MGAM2: variants seen among roughly 807,000 people sequenced by gnomAD.
The protein encoded by MGAM2 is maltase-glucoamylase 2 (putative), also known as probable maltase-glucoamylase 2.
Under a neutral mutation model 96.1 loss-of-function variants are expected in MGAM2, and 98 were observed. That is an observed-to-expected ratio of 1.02 (90% CI 0.87 to 1.21). The LOEUF (loss-of-function observed/expected upper bound fraction) is 1.21. Among genes scored for constraint, MGAM2 ranks in the 50% most tolerant of loss-of-function variants. The pLI, the probability that MGAM2 is intolerant of heterozygous loss-of-function variation, is 0.00. For missense variants in MGAM2, 2,055 were observed against 1,182.4 expected (o/e 1.74, Z -10.82); for synonymous variants, 749 against 414.8 (o/e 1.81, Z -9.79).
At chr7:142,127,784 C>A (rs1019577348) in intron 3 of MGAM2, among the ~76,000 whole-genome samples, 3 of 152,194 alleles carry the variant, frequency 2.0e-5, no homozygotes, top group African/African-American at 7.2e-5. Flanking sequence ...GCCTCCCCAG[C>A]CATGTGGAAC....
At position 142,214,042 on chromosome 7, in the gene MGAM2, A is replaced by G. The variant is rs1203949546; in HGVS notation, c.5188-4319A>G. On this transcript the variant is annotated intron_variant, in intron 46 of 47. Transcript: ENST00000477922. ...AATTGCAATCCATCACATAAACAGA[A>G]CCAATGACAAAAACCACATGATTAT... Among the ~76,000 whole-genome samples, 4 of 152,290 alleles carry G rather than the reference A, an allele frequency of 2.6e-5. No homozygotes were observed. In the South Asian group the frequency reaches 8.3e-4, roughly 32 times the overall value.
chr7:142,123,993 G>A (rs796548132), intron 3 of MGAM2, among the ~76,000 whole-genome samples: 116 of 84,782 alleles, frequency 1.4e-3, no homozygotes, highest in African/African-American at 8.0e-3. Flanking sequence ...TTTTTTTTGA[G>A]ACGGAGTCTT....
chr7:142,198,864 G>A, intron 44 of MGAM2, 125 bp downstream of exon 44: 3 of 586,926 alleles, frequency 5.1e-6, no homozygotes, highest in Non-Finnish European at 9.1e-6. Flanking sequence ...CAGCTTTACT[G>A]GTCAGATCCT....
intron 37 of MGAM2, among the ~76,000 whole-genome samples, chr7:142,194,189 T>C (rs1327167130): frequency 6.6e-6 from 1 of 152,134 alleles, no homozygotes; most frequent in Non-Finnish European, 1.5e-5. Flanking sequence ...CATGCCACCA[T>C]GCCCAGCTAA....
chr7:142,148,308 G>C lies in MGAM2; in HGVS notation c.1634+735G>C, dbSNP rs1478904744. On this transcript the variant is annotated intron_variant, in intron 15 of 47. Transcript: ENST00000477922. The surrounding 1 kb of genome is among the most constrained non-coding windows in gnomAD (Gnocchi z 4.2). ...TATCACCATCACCACCACCCACCAT[G>C]ACCACCATTCACCATCACCATCATA... Among the ~76,000 whole-genome samples the C allele has an allele frequency of 7.0e-6, 1 of 142,844 alleles. No individual in the cohort carries two copies. The highest frequency in any genetic ancestry group is 1.5e-5 in the Non-Finnish European group (1 of 65,738). 93.7% of individuals were successfully genotyped at this position (142,844 alleles called of 152,430 possible).
chr7:142,122,176 G>A (rs180759832), intron 3 of MGAM2, among the ~76,000 whole-genome samples: 32 of 151,928 alleles, frequency 2.1e-4, no homozygotes, highest in Admixed American at 1.2e-3. Flanking sequence ...TTGCCTTCTC[G>A]TATTTATCAC....
chr7:142,160,990 T>C lies in MGAM2; in HGVS notation c.2346-135T>C, dbSNP rs75727616. 4.4e-3 allele frequency: 2,424 copies of C among 550,230 alleles called. 47 individuals are homozygous for C. Among genetic ancestry groups the C allele is most frequent in the African/African-American group, 0.04 (2,123 of 53,264 alleles). 34.1% of individuals were successfully genotyped at this position (550,230 alleles called of 1,614,324 possible). A position where few individuals can be genotyped will look rare whatever the true frequency, so the allele number is the denominator to read the frequency against. ...CCTGCCCACACCCAGCTCCCATGTG[T>C]CCACCCAATATCAACATCTACTCAG... On this transcript the variant is annotated intron_variant, in intron 21 of 47. Coordinates refer to ENST00000477922, the MANE Select transcript of MGAM2 (RefSeq NM_001293626.2).
chr7:142,180,592 A>G (rs55930545), intron 32 of MGAM2, among the ~76,000 whole-genome samples: 1 of 152,038 alleles, frequency 6.6e-6, no homozygotes, highest in Non-Finnish European at 1.5e-5. Flanking sequence ...TCTAGCAAGA[A>G]TGGGGAAATT....
intron 3 of MGAM2, among the ~76,000 whole-genome samples, chr7:142,129,448 G>A (rs568457986): frequency 6.6e-6 from 1 of 152,146 alleles, no homozygotes; most frequent in Admixed American, 6.5e-5. Flanking sequence ...GGTGCAGAAT[G>A]ACATGGTTTG....
intron 46 of MGAM2, among the ~76,000 whole-genome samples, chr7:142,215,588 C>T (rs972809108): frequency 6.6e-6 from 1 of 151,338 alleles, no homozygotes; most frequent in Non-Finnish European, 1.5e-5. Flanking sequence ...TGGAGAAAAC[C>T]CTGTCTCTAC....
intron 3 of MGAM2, 63 bp downstream of exon 3, chr7:142,120,444 G>T: frequency 2.9e-6 from 2 of 684,880 alleles, no homozygotes; most frequent in Non-Finnish European, 5.3e-6. Context: ...ATGAATATGT[G>T]AAGTGGGGAA....
chr7:142,207,083 G>A (rs2129103843), intron 45 of MGAM2, among the ~76,000 whole-genome samples: 1 of 152,252 alleles, frequency 6.6e-6, no homozygotes, highest in Admixed American at 6.5e-5. Flanking sequence ...AGAATATGTT[G>A]GAATACTGAC....
chr7:142,190,795 A>G (rs2129097824), intron 37 of MGAM2, among the ~76,000 whole-genome samples: 1 of 152,260 alleles, frequency 6.6e-6, no homozygotes, highest in East Asian at 1.9e-4. Flanking sequence ...TCAAATATCT[A>G]TTCAAATCCT....
chr7:142,215,627 G>A lies in MGAM2; in HGVS notation c.5188-2734G>A, dbSNP rs566008849. 1.1e-3 allele frequency among the ~76,000 whole-genome samples: 168 copies of A among 151,808 alleles called. 2 individuals carry two copies. Among genetic ancestry groups the A allele is most frequent in the South Asian group, 4.4e-3 (21 of 4,802 alleles). On this transcript the variant is annotated intron_variant, in intron 46 of 47. Transcript: ENST00000477922. ...AAATCCAAAAATTAGGCGTGGTGGC[G>A]CATGCCTGTAATCCCCACTACTTGG...
At chr7:142,180,489 G>T (rs891616599) in intron 32 of MGAM2, among the ~76,000 whole-genome samples, 6 of 152,022 alleles carry the variant, frequency 3.9e-5, no homozygotes, top group Non-Finnish European at 7.4e-5. Context: ...GGCACTTATG[G>T]CTATAAACTT....
At chr7:142,123,963 CTTTT>C (rs960655956) in intron 3 of MGAM2, among the ~76,000 whole-genome samples, 64 of 98,084 alleles carry the variant, frequency 6.5e-4, no homozygotes, top group African/African-American at 3.4e-3. Flanking sequence ...AGTCCAGAAA[CTTTT>C]TTTTTTTTTT....
chr7:142,135,639 A>G (rs947392445), intron 7 of MGAM2, among the ~76,000 whole-genome samples: 1 of 151,966 alleles, frequency 6.6e-6, no homozygotes, highest in African/African-American at 2.4e-5. Context: ...TTTGGCTAAG[A>G]TGATGATACT....
intron 24 of MGAM2, 108 bp downstream of exon 24, chr7:142,165,131 G>A: frequency 1.8e-6 from 1 of 548,986 alleles, no homozygotes; most frequent in Non-Finnish European, 3.2e-6. Flanking sequence ...CTGACTTGCT[G>A]GGAGGTCCAA....
rs1282001788 is a variant in MGAM2, at chr7:142,159,324, C to T, written c.2201C>T (p.Thr734Ile). Reference protein sequence around the residue: ...DEVKAYIPDATWYDYETGVAI... With the variant: ...DEVKAYIPDAIWYDYETGVAI... ...GTGAAAGCATACATACCTGATGCCA[C>T]CTGGTATGACTATGAGACAGTAAGT... The change falls in exon 20 of 48, where the codon ACC becomes ATC. Residue 734 changes from threonine to isoleucine, a missense_variant. By Grantham distance (89) the Thr-to-Ile change is moderately conservative (BLOSUM62 -1). Coordinates refer to ENST00000477922, the MANE Select transcript of MGAM2 (RefSeq NM_001293626.2). The T allele has an allele frequency of 1.4e-6, 1 of 702,536 alleles. No individual in the cohort carries two copies. The highest frequency in any genetic ancestry group is 2.6e-6 in the Non-Finnish European group (1 of 384,686). The allele number at this position is 702,536 out of a possible 1,614,324, so 43.5% of individuals were successfully genotyped here.
Sources: gnomAD v4.1 joint callset for allele counts (sites outside exome capture counted in the v4.1 genomes callset) on GRCh38, gnomAD v4.1.1 for gene constraint, Gnocchi (gnomAD v3.1) non-coding constraint, MANE v1.5 for transcripts, NCBI Gene and HGNC (gene_info 2026-07-23, HGNC 2026-07-21) for gene names.